LPP: variants seen among roughly 807,000 people sequenced by gnomAD.
LPP encodes the protein lipoma-preferred partner.
A neutral mutation model predicts 60.4 loss-of-function variants in LPP; 38 were observed. The observed-to-expected ratio is 0.63, with a 90% confidence interval of 0.49 to 0.83. The LOEUF is 0.83. LPP is among the 40% of genes least tolerant of loss of function. LPP has a pLI of 0.00. For synonymous variants in LPP, 328 were observed against 290.8 expected, an observed-to-expected ratio of 1.13 and a Z score of -1.30; for missense variants, 902 against 783.6, an observed-to-expected ratio of 1.15 and a Z score of -1.80.
chr3:188,513,413 A>G (rs1209502323), intron 5 of LPP, among the ~76,000 whole-genome samples: 2 of 152,288 alleles, frequency 1.3e-5, no homozygotes, highest in South Asian at 2.1e-4. Flanking sequence ...GTTTCATACA[A>G]TGGGTTTCCG....
At chr3:188,821,900 C>T (rs1038975427) in intron 9 of LPP, among the ~76,000 whole-genome samples, 1 of 151,998 alleles carries the variant, frequency 6.6e-6, no homozygotes, top group Non-Finnish European at 1.5e-5. Flanking sequence ...TGTGACTAAT[C>T]CAATTTTTTT....
intron 9 of LPP, among the ~76,000 whole-genome samples, chr3:188,843,328 T>TA (rs949460231): frequency 6.6e-6 from 1 of 152,128 alleles, no homozygotes; most frequent in African/African-American, 2.4e-5. Flanking sequence ...GTGGGAAGGG[T>TA]ACTGGCCCGA....
At chr3:188,644,029 C>T (rs948418475) in intron 7 of LPP, among the ~76,000 whole-genome samples, 1 of 152,064 alleles carries the variant, frequency 6.6e-6, no homozygotes, top group African/African-American at 2.4e-5. Context: ...AGTTTTAGTA[C>T]TGGGAAAGAA....
At chr3:188,581,234 A>G (rs1560592386) in intron 6 of LPP, among the ~76,000 whole-genome samples, 2 of 152,058 alleles carry the variant, frequency 1.3e-5, no homozygotes, top group African/African-American at 4.8e-5. Flanking sequence ...AAGCAGAACC[A>G]TGAGAATGCC....
intron 6 of LPP, among the ~76,000 whole-genome samples, chr3:188,551,320 G>A (rs1828068631): frequency 6.6e-6 from 1 of 152,140 alleles, no homozygotes. Context: ...CAGTATGGGG[G>A]AAACTGCCCC....
At chr3:188,666,687 T>C (rs1212665858) in intron 7 of LPP, among the ~76,000 whole-genome samples, 1 of 152,250 alleles carries the variant, frequency 6.6e-6, no homozygotes, top group Non-Finnish European at 1.5e-5. Context: ...AAATACTTGT[T>C]GAATGCTTAC....
At chr3:188,292,880 T>C (rs1746492142) in intron 2 of LPP, among the ~76,000 whole-genome samples, 1 of 152,314 alleles carries the variant, frequency 6.6e-6, no homozygotes, top group Admixed American at 6.5e-5. Flanking sequence ...CTACGTCATC[T>C]GGTAATTTTA....
chr3:188,526,387 T>C (rs1178979604), intron 6 of LPP, among the ~76,000 whole-genome samples: 1 of 152,100 alleles, frequency 6.6e-6, no homozygotes, highest in Non-Finnish European at 1.5e-5. Flanking sequence ...CTCCACCTCC[T>C]GAGTTCAAGC....
intron 6 of LPP, among the ~76,000 whole-genome samples, chr3:188,563,729 T>G (rs1434479011): frequency 1.9e-4 from 6 of 31,282 alleles, no homozygotes; most frequent in African/African-American, 6.3e-4. Context: ...TTTTTTTTTG[T>G]TTTTTTTTTG....
intron 1 of LPP, chr3:188,179,456 A>C: frequency 2.2e-6 from 1 of 457,844 alleles, no homozygotes; most frequent in Non-Finnish European, 4.4e-6. Context: ...CTGTGACTCC[A>C]GAGCTCCTTC....
intron 1 of LPP, among the ~76,000 whole-genome samples, chr3:188,189,294 C>T (rs1727478500): frequency 6.6e-6 from 1 of 152,088 alleles, no homozygotes; most frequent in East Asian, 1.9e-4. Flanking sequence ...CACCATGTTT[C>T]CCAGGCTGGT....
intron 9 of LPP, among the ~76,000 whole-genome samples, chr3:188,762,858 T>A (rs10937367): frequency 6.6e-6 from 1 of 151,906 alleles, no homozygotes; most frequent in Non-Finnish European, 1.5e-5. Flanking sequence ...AAAATGTAAT[T>A]TAATTCTTAT....
At position 188,865,873 on chromosome 3, in the gene LPP, G is replaced by A. The variant is rs137992196; in HGVS notation, c.1411-327G>A. On this transcript the variant is annotated intron_variant, in intron 9 of 11. Coordinates refer to ENST00000617246, the MANE Select transcript of LPP (RefSeq NM_001375462.1). Reference sequence around the variant, plus strand: ...GGAAACAAGGGAAGGAACAAGGATAGCAGTCAGAAAACACATGTCCTCAGT... The same window carrying A: ...GGAAACAAGGGAAGGAACAAGGATAACAGTCAGAAAACACATGTCCTCAGT... Among the ~76,000 whole-genome samples, 677 of 152,296 alleles carry A rather than the reference G, an allele frequency of 4.4e-3. 11 individuals carry two copies. The highest frequency in any genetic ancestry group is 0.015 in the African/African-American group (609 of 41,554).
chr3:188,185,335 A>C (rs1258260166), intron 1 of LPP, among the ~76,000 whole-genome samples: 1 of 152,054 alleles, frequency 6.6e-6, no homozygotes, highest in Non-Finnish European at 1.5e-5. Context: ...ATATCCACTG[A>C]GTCCAGTAAA....
chr3:188,497,514 G>A (rs1443929300), intron 5 of LPP, among the ~76,000 whole-genome samples: 2 of 152,144 alleles, frequency 1.3e-5, no homozygotes, highest in Non-Finnish European at 2.9e-5. Context: ...ATGGTATGGT[G>A]TATATTGAAA....
Position 188,747,787 on chromosome 3 carries a change from T to C in LPP, c.1241-12326T>C, listed in dbSNP as rs532834321. On this transcript the variant is annotated intron_variant, in intron 8 of 11. Coordinates refer to ENST00000617246, the MANE Select transcript of LPP (RefSeq NM_001375462.1). ...CAGCGCTCAGACAGCTTAGTGTTGC[T>C]ATGCGAATGCTGGAGATGGAATCAG... Among the ~76,000 whole-genome samples, 13 of 152,352 alleles carry C rather than the reference T, an allele frequency of 8.5e-5. No homozygotes were observed. In the East Asian group the frequency reaches 2.5e-3, roughly 29 times the overall value.
At chr3:188,540,689 A>T (rs1824927495) in intron 6 of LPP, among the ~76,000 whole-genome samples, 1 of 152,186 alleles carries the variant, frequency 6.6e-6, no homozygotes, top group Non-Finnish European at 1.5e-5. Flanking sequence ...TGTATAAAGC[A>T]CTTGAAACAG....
chr3:188,156,098 A>G (rs139413491), intron 1 of LPP, among the ~76,000 whole-genome samples: 271 of 152,322 alleles, frequency 1.8e-3, no homozygotes, highest in African/African-American at 6.3e-3. Flanking sequence ...CCCAACCCCA[A>G]CACCCAAAAC....
intron 2 of LPP, among the ~76,000 whole-genome samples, chr3:188,298,905 G>A (rs998900891): frequency 6.6e-6 from 1 of 152,128 alleles, no homozygotes; most frequent in Admixed American, 6.5e-5. Context: ...GCCCCATGAG[G>A]CCAGTCATGA....
Sources: allele counts gnomAD v4.1 joint callset (sites outside exome capture counted in the v4.1 genomes callset), GRCh38; gene constraint gnomAD v4.1.1; transcripts MANE v1.5; gene names NCBI Gene and HGNC (gene_info 2026-07-23, HGNC 2026-07-21).